ELOVL6: variants seen among roughly 807,000 people sequenced by gnomAD.
ELOVL6 encodes very long chain fatty acid elongase 6.
In ELOVL6, 8 loss-of-function variants were observed where a neutral mutation model predicts 31.7. The ratio of observed to expected loss-of-function variants is 0.25; its 90% CI spans 0.15 to 0.45. ELOVL6 has a LOEUF of 0.45. Ranked by LOEUF, ELOVL6 falls within the 20% of genes least tolerant of loss-of-function variation. The probability of loss-of-function intolerance (pLI) is 1.00; values close to 1 mark genes in which losing one functional copy is unlikely to be tolerated. For missense variants in ELOVL6, 126 were observed against 326.4 expected, an observed-to-expected ratio of 0.39 and a Z score of 4.73; for synonymous variants, 101 against 117.7, an observed-to-expected ratio of 0.86 and a Z score of 0.92.
intron 1 of ELOVL6, among the ~76,000 whole-genome samples, chr4:110,131,799 C>T (rs1757676811): frequency 6.6e-6 from 1 of 152,162 alleles, no homozygotes; most frequent in South Asian, 2.1e-4. Flanking sequence ...GTGACACAAA[C>T]CTCAAATTGC....
At chr4:110,104,440 TG>T (rs1453047480) in intron 2 of ELOVL6, among the ~76,000 whole-genome samples, 1 of 152,160 alleles carries the variant, frequency 6.6e-6, no homozygotes, top group Non-Finnish European at 1.5e-5. Context: ...GTGTTTTAGA[TG>T]GAGGGATCCA....
At chr4:110,070,337 A>T (rs1755432251) in intron 2 of ELOVL6, among the ~76,000 whole-genome samples, 1 of 152,242 alleles carries the variant, frequency 6.6e-6, no homozygotes, top group Non-Finnish European at 1.5e-5. Flanking sequence ...AGAAACTGGA[A>T]TACATGTATT....
intron 1 of ELOVL6, among the ~76,000 whole-genome samples, chr4:110,190,829 GT>G (rs1284063014): frequency 6.8e-6 from 1 of 146,788 alleles, no homozygotes; most frequent in Middle Eastern, 3.4e-3. Flanking sequence ...CAATTTTTGT[GT>G]TTTTTTTGAG....
chr4:110,111,483 C>G (rs1438467988), intron 1 of ELOVL6, among the ~76,000 whole-genome samples: 4 of 150,408 alleles, frequency 2.7e-5, no homozygotes, highest in African/African-American at 9.8e-5. Context: ...TTAATAAACT[C>G]ATTGTATTCC....
chr4:110,172,696 G>A (rs1578278164), intron 1 of ELOVL6, among the ~76,000 whole-genome samples: 1 of 152,268 alleles, frequency 6.6e-6, no homozygotes, highest in African/African-American at 2.4e-5. Flanking sequence ...ATTTTACTTA[G>A]TTTAAAATAT....
At chr4:110,134,492 A>T (rs571805403) in intron 1 of ELOVL6, among the ~76,000 whole-genome samples, 113 of 152,302 alleles carry the variant, frequency 7.4e-4, no homozygotes, top group South Asian at 6.8e-3. Context: ...TAGTGGGATC[A>T]TTTCAGGCTG....
intron 2 of ELOVL6, among the ~76,000 whole-genome samples, chr4:110,084,159 TATATGTGATA>T (rs1756056401): frequency 9.5e-6 from 1 of 105,340 alleles, no homozygotes; most frequent in African/African-American, 5.8e-5. Flanking sequence ...ATATATAACA[TATATGTGATA>T]TATATGATAT....
At chr4:110,055,817 C>T (rs1754964588) in intron 3 of ELOVL6, among the ~76,000 whole-genome samples, 1 of 152,092 alleles carries the variant, frequency 6.6e-6, no homozygotes. Context: ...TAATATAATC[C>T]AAATAGTAGG....
chr4:110,084,009 A>ACGATATATAACATATGCTATATG lies in ELOVL6; in HGVS notation c.221+21487_221+21488insCATATAGCATATGTTATATATCG, dbSNP rs1350891484. Reference sequence around the variant, plus strand: ...ATACGATATATAACATATGCCATATATGGTATATAACATATGCCATATATG... The same window carrying ACGATATATAACATATGCTATATG: ...ATACGATATATAACATATGCCATATACGATATATAACATATGCTATATGTGGTATATAACATATGCCATATATG... On this transcript the variant is annotated intron_variant, in intron 2 of 3. Coordinates refer to ENST00000302274, the MANE Select transcript of ELOVL6 (RefSeq NM_024090.3). 2.6e-4 allele frequency among the ~76,000 whole-genome samples: 22 copies of ACGATATATAACATATGCTATATG among 85,114 alleles called. 1 individual carries two copies. Among genetic ancestry groups the ACGATATATAACATATGCTATATG allele is most frequent in the African/African-American group, 8.0e-4 (19 of 23,656 alleles). The allele number at this position is 85,114 out of a possible 152,430, so 55.8% of individuals were successfully genotyped here. A position where few individuals can be genotyped will look rare whatever the true frequency, so the allele number is the denominator to read the frequency against.
At chr4:110,080,481 T>A (rs1755805351) in intron 2 of ELOVL6, among the ~76,000 whole-genome samples, 2 of 152,028 alleles carry the variant, frequency 1.3e-5, no homozygotes, top group Admixed American at 1.3e-4. Context: ...ACAAAACCAA[T>A]GACAAAAACC....
At chr4:110,150,405 C>T (rs1323793831) in intron 1 of ELOVL6, among the ~76,000 whole-genome samples, 3 of 152,132 alleles carry the variant, frequency 2.0e-5, no homozygotes, top group Non-Finnish European at 4.4e-5. Flanking sequence ...AAATAGTTCT[C>T]AATCTAATAA....
At chr4:110,075,543 G>A (rs1755604589) in intron 2 of ELOVL6, among the ~76,000 whole-genome samples, 1 of 152,180 alleles carries the variant, frequency 6.6e-6, no homozygotes, top group Admixed American at 6.5e-5. Flanking sequence ...TTCTGCTTAT[G>A]AGGTATCTAA....
intron 2 of ELOVL6, among the ~76,000 whole-genome samples, chr4:110,086,167 G>A (rs1415713653): frequency 6.6e-6 from 1 of 152,064 alleles, no homozygotes; most frequent in Non-Finnish European, 1.5e-5. Context: ...TCTGGATTTA[G>A]TCCTCTTTAA....
rs370939128 is a variant in ELOVL6, at chr4:110,158,558, G to GAT, written c.89+39687_89+39688dup. On this transcript the variant is annotated intron_variant, in intron 1 of 3. Coordinates refer to ENST00000302274, the MANE Select transcript of ELOVL6 (RefSeq NM_024090.3). ...ATTGGCAGCCAAGATATTGGAGAGA[G>GAT]ATATATATATACATCTATATATATA... Among the ~76,000 whole-genome samples the GAT allele has an allele frequency of 3.0e-3, 393 of 129,714 alleles. 1 individual carries two copies. The highest frequency in any genetic ancestry group is 4.3e-3 in the Middle Eastern group (1 of 232). 85.1% of individuals were successfully genotyped at this position (129,714 alleles called of 152,430 possible).
At chr4:110,140,200 C>T (rs1336971171) in intron 1 of ELOVL6, among the ~76,000 whole-genome samples, 1 of 152,148 alleles carries the variant, frequency 6.6e-6, no homozygotes, top group Admixed American at 6.5e-5. Context: ...AGTTGGGTCT[C>T]TTTTCTTTTA....
rs1756094116 is a variant in ELOVL6, at chr4:110,084,266, A to G, written c.221+21231T>C. The stretch of plus-strand genomic sequence containing the variant: ...ATGATATATATAACATATAGCTTAT[A>G]TGTGATATATAACATATATAACTTA... On this transcript the variant is annotated intron_variant, in intron 2 of 3. Coordinates refer to ENST00000302274, the MANE Select transcript of ELOVL6 (RefSeq NM_024090.3). Among the ~76,000 whole-genome samples, 5 of 122,746 alleles carry G rather than the reference A, an allele frequency of 4.1e-5. 1 individual carries two copies. The South Asian group carries it at 1.2e-3, about 30-fold the overall frequency. The allele number at this position is 122,746 out of a possible 152,430, so 80.5% of individuals were successfully genotyped here.
chr4:110,084,352 A>T (rs1480730500), intron 2 of ELOVL6, among the ~76,000 whole-genome samples: 7 of 120,192 alleles, frequency 5.8e-5, no homozygotes, highest in Non-Finnish European at 1.0e-4. Context: ...ATGATATATG[A>T]TATATACCGC....
intron 1 of ELOVL6, among the ~76,000 whole-genome samples, chr4:110,156,104 G>A (rs1291190349): frequency 2.6e-5 from 4 of 152,138 alleles, no homozygotes; most frequent in Non-Finnish European, 1.5e-5. Flanking sequence ...AATAAGAAGG[G>A]GAAGACAAGA....
chr4:110,178,532 G>A (rs1759180552), intron 1 of ELOVL6, among the ~76,000 whole-genome samples: 1 of 151,340 alleles, frequency 6.6e-6, no homozygotes, highest in Non-Finnish European at 1.5e-5. Context: ...CAGCCTGAGT[G>A]ACAGAGAGTG....
Sources: allele counts gnomAD v4.1 joint callset (sites outside exome capture counted in the v4.1 genomes callset), GRCh38; gene constraint gnomAD v4.1.1; transcripts MANE v1.5; gene names NCBI Gene and HGNC (gene_info 2026-07-23, HGNC 2026-07-21).